Variants in DCC observed in about 807,000 individuals in gnomAD.
DCC encodes DCC netrin 1 receptor.
Under a neutral mutation model 172.5 loss-of-function variants are expected in DCC, and 58 were observed. That is an observed-to-expected ratio of 0.34 (90% CI 0.27 to 0.42). The LOEUF is 0.42. DCC is among the 10% of genes least tolerant of loss of function. The probability of loss-of-function intolerance (pLI) is 1.00; values close to 1 mark genes in which losing one functional copy is unlikely to be tolerated. For missense variants in DCC, 1,740 were observed against 1,791.0 expected (o/e 0.97, Z 0.51); for synonymous variants, 709 against 644.5 (o/e 1.10, Z -1.52).
chr18:53,118,261 C>T (rs900235478), intron 7 of DCC, among the ~76,000 whole-genome samples: 1 of 151,774 alleles, frequency 6.6e-6, no homozygotes, highest in African/African-American at 2.4e-5. Flanking sequence ...TTCCAAACCA[C>T]TGTGTATAAT....
At chr18:52,785,292 C>T (rs2037634982) in intron 2 of DCC, among the ~76,000 whole-genome samples, 1 of 152,046 alleles carries the variant, frequency 6.6e-6, no homozygotes, top group Admixed American at 6.6e-5. Context: ...CCTGTGCAAG[C>T]TCCCAGTTTG....
chr18:53,033,755 A>G (rs1457398613), intron 5 of DCC, among the ~76,000 whole-genome samples: 1 of 152,082 alleles, frequency 6.6e-6, no homozygotes, highest in African/African-American at 2.4e-5. Flanking sequence ...CCTTTTAGAT[A>G]TCACCTTATT....
chr18:52,994,523 C>G (rs2041448694), intron 5 of DCC, among the ~76,000 whole-genome samples: 3 of 152,142 alleles, frequency 2.0e-5, no homozygotes, highest in African/African-American at 7.2e-5. Flanking sequence ...TCTCATACTT[C>G]AGTGAGTCAG....
intron 1 of DCC, among the ~76,000 whole-genome samples, chr18:52,587,847 A>C (rs967990160): frequency 6.6e-6 from 1 of 152,156 alleles, no homozygotes; most frequent in Admixed American, 6.5e-5. Context: ...ACTCCCCATG[A>C]GGCCATTGGT....
chr18:52,949,669 A>G lies in DCC; in HGVS notation c.985+24299A>G, dbSNP rs1424628358. 1.3e-5 allele frequency among the ~76,000 whole-genome samples: 2 copies of G among 152,182 alleles called. 1 individual carries two copies. Among genetic ancestry groups the G allele is most frequent in the South Asian group, 4.1e-4 (2 of 4,820 alleles). On this transcript the variant is annotated intron_variant, in intron 5 of 28. Coordinates refer to ENST00000442544, the MANE Select transcript of DCC (RefSeq NM_005215.4). ...AGATGACTGCTTTCCTCTTGCCTTC[A>G]AAGTGGTTTTCAGCAGTGCTGGTCT...
intron 15 of DCC, among the ~76,000 whole-genome samples, chr18:53,354,921 G>A (rs1313715986): frequency 1.3e-5 from 2 of 152,072 alleles, no homozygotes; most frequent in South Asian, 2.1e-4. Context: ...TAATATTTAA[G>A]TCTTTAATCC....
At chr18:53,482,588 C>T (rs561932039) in intron 25 of DCC, among the ~76,000 whole-genome samples, 5 of 151,928 alleles carry the variant, frequency 3.3e-5, no homozygotes, top group African/African-American at 4.8e-5. Flanking sequence ...TTTTTCTAAA[C>T]GTACTGTGAA....
In DCC at chr18:52,550,923, T is replaced by C. The variant is rs574886938; in HGVS notation, c.92-201131T>C. Among the ~76,000 whole-genome samples, 8 of 152,084 alleles carry C rather than the reference T, an allele frequency of 5.3e-5. No homozygotes were observed. In the South Asian group the frequency reaches 1.2e-3, roughly 24 times the overall value. ...TAAATGTTATTTTTTATTATTTTTA[T>C]TATTTTACTATTTTTAAAAGTTTAT... On this transcript the variant is annotated intron_variant, in intron 1 of 28. Coordinates refer to ENST00000442544, the MANE Select transcript of DCC (RefSeq NM_005215.4).
chr18:53,341,990 T>A (rs942373634), intron 15 of DCC, among the ~76,000 whole-genome samples: 1 of 152,106 alleles, frequency 6.6e-6, no homozygotes, highest in East Asian at 1.9e-4. Flanking sequence ...TTTTAAGGAC[T>A]GTATGACAGT....
intron 12 of DCC, among the ~76,000 whole-genome samples, chr18:53,254,669 A>G (rs887014152): frequency 1.1e-4 from 17 of 152,008 alleles, no homozygotes; most frequent in African/African-American, 3.1e-4. Context: ...GGGAAAGTTT[A>G]TTAGCAGGTG....
chr18:52,887,772 T>C lies in DCC; in HGVS notation c.413-18272T>C, dbSNP rs373400322. Among the ~76,000 whole-genome samples the C allele has an allele frequency of 6.6e-5, 10 of 152,318 alleles. No homozygotes were observed. In the East Asian group the frequency reaches 9.7e-4, roughly 15 times the overall value. On this transcript the variant is annotated intron_variant, in intron 2 of 28. Transcript: ENST00000442544. ...ATAGTATAGCTTATCCAACTTTTAA[T>C]AGTAATTATTAATGTCATGATTTTT...
intron 12 of DCC, among the ~76,000 whole-genome samples, chr18:53,272,253 A>G (rs1005227148): frequency 6.6e-6 from 1 of 152,170 alleles, no homozygotes; most frequent in African/African-American, 2.4e-5. Context: ...TGAAAGTAGA[A>G]TATGTATTAC....
chr18:53,160,817 ATTCTACATGC>A (rs777614884), intron 8 of DCC, among the ~76,000 whole-genome samples: 12 of 152,190 alleles, frequency 7.9e-5, no homozygotes, highest in Non-Finnish European at 1.6e-4. Flanking sequence ...AAGAAGGGGA[ATTCTACATGC>A]TTTCATATGT....
chr18:53,256,270 A>G (rs920123091), intron 12 of DCC, among the ~76,000 whole-genome samples: 2 of 152,170 alleles, frequency 1.3e-5, no homozygotes, highest in Admixed American at 6.5e-5. Flanking sequence ...TTGGTGTTTT[A>G]GACATGAAGT....
At chr18:53,188,322 G>T (rs1283985069) in intron 9 of DCC, among the ~76,000 whole-genome samples, 1 of 152,176 alleles carries the variant, frequency 6.6e-6, no homozygotes. Context: ...AATAATGGCA[G>T]TTTCTCTTCC....
intron 8 of DCC, among the ~76,000 whole-genome samples, chr18:53,161,046 G>A (rs774355974): frequency 3.9e-5 from 6 of 152,162 alleles, no homozygotes; most frequent in Admixed American, 6.5e-5. Flanking sequence ...CTATCAGCAT[G>A]TCAGCATGTA....
intron 12 of DCC, among the ~76,000 whole-genome samples, chr18:53,244,383 C>T (rs1320494644): frequency 6.6e-6 from 1 of 152,068 alleles, no homozygotes; most frequent in Non-Finnish European, 1.5e-5. Context: ...ACCAAGTGTC[C>T]TAGTACAGAT....
chr18:52,631,128 T>C (rs1205362734), intron 1 of DCC, among the ~76,000 whole-genome samples: 2 of 152,206 alleles, frequency 1.3e-5, no homozygotes, highest in Non-Finnish European at 2.9e-5. Context: ...GTGAGCATTA[T>C]ACTTTTTCTA....
intron 2 of DCC, among the ~76,000 whole-genome samples, chr18:52,871,227 C>T (rs959631877): frequency 1.3e-5 from 2 of 152,148 alleles, no homozygotes; most frequent in African/African-American, 4.8e-5. Context: ...AGGCCCAATC[C>T]CAACCCCTCC....
Sources: gnomAD v4.1 joint callset for allele counts (sites outside exome capture counted in the v4.1 genomes callset) on GRCh38, gnomAD v4.1.1 for gene constraint, MANE v1.5 for transcripts, NCBI Gene and HGNC (gene_info 2026-07-23, HGNC 2026-07-21) for gene names.